Variants in PDE7B observed in about 807,000 individuals in gnomAD.
PDE7B encodes the protein 3',5'-cyclic-AMP phosphodiesterase 7B.
PDE7B carries 29 observed loss-of-function variants against 56.2 expected under a neutral mutation model. That is an observed-to-expected ratio of 0.52 (90% confidence interval 0.38 to 0.70). PDE7B has a LOEUF of 0.70. Ranked by LOEUF, PDE7B falls within the 30% of genes least tolerant of loss-of-function variation. PDE7B has a pLI of 0.00. For missense variants in PDE7B, 490 were observed against 565.0 expected (o/e 0.87, Z 1.35); for synonymous variants, 197 against 196.9 (o/e 1.00, Z 0.00).
At chr6:136,183,090 A>C (rs1474614971) in intron 11 of PDE7B, among the ~76,000 whole-genome samples, 1 of 151,746 alleles carries the variant, frequency 6.6e-6, no homozygotes, top group South Asian at 2.1e-4. Context: ...AAAAAAAAAA[A>C]ACCCTTTTCT....
At chr6:136,163,069 T>G (rs1778735788) in intron 8 of PDE7B, among the ~76,000 whole-genome samples, 1 of 152,186 alleles carries the variant, frequency 6.6e-6, no homozygotes, top group Non-Finnish European at 1.5e-5. Flanking sequence ...TGGAAGACAG[T>G]GGCCCTCTTC....
At chr6:136,011,436 T>A (rs1775894308) in intron 2 of PDE7B, among the ~76,000 whole-genome samples, 1 of 152,266 alleles carries the variant, frequency 6.6e-6, no homozygotes, top group East Asian at 1.9e-4. Context: ...TTGGATCATA[T>A]AGCCAAAGTT....
intron 8 of PDE7B, among the ~76,000 whole-genome samples, chr6:136,170,740 G>A (rs544538787): frequency 6.6e-6 from 1 of 152,292 alleles, no homozygotes; most frequent in Admixed American, 6.5e-5. Context: ...TCTGTACGGA[G>A]TCCTGAGGCA....
intron 1 of PDE7B, among the ~76,000 whole-genome samples, chr6:135,906,827 T>TGTTTTGTTTTTTTTTTTTTG (rs1776121324): frequency 3.7e-5 from 5 of 133,544 alleles, no homozygotes; most frequent in Middle Eastern, 4.2e-3. Flanking sequence ...TTTTTTTTTT[T>TGTTTTGTTTTTTTTTTTTTG]TTTTTTTTTA....
chr6:136,083,300 C>T (rs879275314), intron 2 of PDE7B, among the ~76,000 whole-genome samples: 6 of 152,160 alleles, frequency 3.9e-5, no homozygotes, highest in Non-Finnish European at 7.3e-5. Context: ...TTCACTGTTT[C>T]AGTTAAAATA....
chr6:135,867,147 G>T (rs1021133946), intron 1 of PDE7B, among the ~76,000 whole-genome samples: 1 of 152,152 alleles, frequency 6.6e-6, no homozygotes, highest in African/African-American at 2.4e-5. Context: ...CAATTTACAA[G>T]TAACTTGAAA....
At chr6:136,028,392 T>C (rs537524351) in intron 2 of PDE7B, among the ~76,000 whole-genome samples, 2 of 152,204 alleles carry the variant, frequency 1.3e-5, no homozygotes, top group African/African-American at 2.4e-5. Flanking sequence ...GAAAAATCTT[T>C]CCCAAGAAGA....
intron 2 of PDE7B, among the ~76,000 whole-genome samples, chr6:136,010,745 A>G (rs1775878548): frequency 6.6e-6 from 1 of 152,104 alleles, no homozygotes; most frequent in African/African-American, 2.4e-5. Context: ...GGGGATTACA[A>G]TTTGACATGA....
intron 4 of PDE7B, among the ~76,000 whole-genome samples, chr6:136,148,706 G>A (rs936398318): frequency 2.0e-5 from 3 of 152,130 alleles, no homozygotes; most frequent in Non-Finnish European, 4.4e-5. Context: ...ACTCTTGGCG[G>A]TGTCTCTCCT....
At chr6:136,181,150 A>C in intron 10 of PDE7B, 77 bp from the exon 11 acceptor site, 1 of 960,654 alleles carries the variant, frequency 1.0e-6, no homozygotes, top group Non-Finnish European at 1.7e-6. Context: ...ACAGCTTGAT[A>C]GCCTCTTTGG....
chr6:135,994,791 G>A (rs999212782), intron 2 of PDE7B, among the ~76,000 whole-genome samples: 1 of 152,060 alleles, frequency 6.6e-6, no homozygotes, highest in Non-Finnish European at 1.5e-5. Context: ...TAAACAATTC[G>A]AGAATGCTAA....
intron 3 of PDE7B, among the ~76,000 whole-genome samples, chr6:136,124,072 T>C (rs1777981611): frequency 6.6e-6 from 1 of 152,086 alleles, no homozygotes; most frequent in South Asian, 2.1e-4. Context: ...TTGTTATGAG[T>C]TTTTAAGTGT....
chr6:135,882,395 G>A (rs1012774871), intron 1 of PDE7B, among the ~76,000 whole-genome samples: 1 of 152,062 alleles, frequency 6.6e-6, no homozygotes. Flanking sequence ...TGTTTTTCCT[G>A]CTTCCTGGCT....
chr6:135,955,199 A>C (rs949197771), intron 2 of PDE7B, among the ~76,000 whole-genome samples: 1 of 152,098 alleles, frequency 6.6e-6, no homozygotes, highest in Non-Finnish European at 1.5e-5. Context: ...CAAGCTCCCA[A>C]TCTAGTGACA....
intron 2 of PDE7B, among the ~76,000 whole-genome samples, chr6:135,984,824 A>G (rs1175035227): frequency 6.6e-6 from 1 of 151,994 alleles, no homozygotes; most frequent in East Asian, 1.9e-4. Context: ...CAGGTGGGGG[A>G]CGTGTATACA....
At chr6:135,962,199 C>T (rs553302135) in intron 2 of PDE7B, among the ~76,000 whole-genome samples, 6 of 152,262 alleles carry the variant, frequency 3.9e-5, no homozygotes, top group African/African-American at 9.6e-5. Context: ...TTGGAAAAAT[C>T]GATAGTTTAG....
At chr6:136,190,505 T>C (rs1371868725) in intron 12 of PDE7B, among the ~76,000 whole-genome samples, 1 of 152,196 alleles carries the variant, frequency 6.6e-6, no homozygotes, top group Non-Finnish European at 1.5e-5. Context: ...ACAGGATTAG[T>C]GTTGGAAATT....
At chr6:135,977,922 A>G (rs1171854042) in intron 2 of PDE7B, among the ~76,000 whole-genome samples, 1 of 152,062 alleles carries the variant, frequency 6.6e-6, no homozygotes. Context: ...GAACAATACT[A>G]TAATTCATGA....
At chr6:136,039,693 A>G (rs1776383779) in intron 2 of PDE7B, among the ~76,000 whole-genome samples, 1 of 152,214 alleles carries the variant, frequency 6.6e-6, no homozygotes, top group South Asian at 2.1e-4. Flanking sequence ...TTGAGTACAT[A>G]GGAAAGTGAG....
Sources: gnomAD v4.1 joint callset for allele counts (sites outside exome capture counted in the v4.1 genomes callset) on GRCh38, gnomAD v4.1.1 for gene constraint, MANE v1.5 for transcripts, NCBI Gene and HGNC (gene_info 2026-07-23, HGNC 2026-07-21) for gene names.